Variants in API5 observed in about 807,000 individuals in gnomAD.
The protein encoded by API5 is FIF.
A neutral mutation model predicts 71.9 loss-of-function variants in API5; 6 were observed. The observed-to-expected ratio is 0.08, with a 90% CI of 0.05 to 0.16. API5 has a LOEUF of 0.16. API5 is among the 10% of genes least tolerant of loss of function. The pLI, the probability that API5 is intolerant of heterozygous loss-of-function variation, is 1.00. For synonymous variants in API5, 189 were observed against 221.3 expected (o/e 0.85, Z 1.30); for missense variants, 332 against 612.8 (o/e 0.54, Z 4.84).
intron 2 of API5, 29 bp downstream of exon 2, chr11:43,318,830 A>G (rs377587806): frequency 2.2e-5 from 35 of 1,595,270 alleles, no homozygotes; most frequent in Middle Eastern, 3.4e-4. Context: ...CTTCATAGCA[A>G]TCTTTCAGAT....
At chr11:43,341,691 A>G (rs2134391355) in intron 13 of API5, among the ~76,000 whole-genome samples, 1 of 152,310 alleles carries the variant, frequency 6.6e-6, no homozygotes, top group African/African-American at 2.4e-5. Flanking sequence ...TAGTTAATAT[A>G]TACTTTAAAA....
intron 13 of API5, among the ~76,000 whole-genome samples, chr11:43,341,689 A>G (rs1855621350): frequency 6.6e-6 from 1 of 152,192 alleles, no homozygotes; most frequent in Non-Finnish European, 1.5e-5. Flanking sequence ...TATAGTTAAT[A>G]TATACTTTAA....
intron 13 of API5, among the ~76,000 whole-genome samples, chr11:43,337,840 G>A (rs1328668436): frequency 6.6e-6 from 1 of 152,100 alleles, no homozygotes; most frequent in Non-Finnish European, 1.5e-5. Flanking sequence ...AAGTCAATTT[G>A]ATTTTACATG....
chr11:43,336,987 G>A (rs566152083), intron 13 of API5, among the ~76,000 whole-genome samples: 193 of 127,906 alleles, frequency 1.5e-3, no homozygotes, highest in African/African-American at 5.3e-3. Context: ...CAGCCTAGGC[G>A]ACAGAGCAAG....
intron 2 of API5, chr11:43,319,065 C>T (rs933951647): frequency 5.4e-6 from 2 of 371,608 alleles, no homozygotes; most frequent in African/African-American, 2.1e-5. Flanking sequence ...GGTTGTGGCT[C>T]ACATCTTGTT....
chr11:43,314,587 A>G (rs956964816), intron 1 of API5, among the ~76,000 whole-genome samples: 5 of 152,216 alleles, frequency 3.3e-5, no homozygotes, highest in African/African-American at 1.2e-4. Context: ...CCTACCATGT[A>G]CCACACACCC....
chr11:43,330,374 T>A (rs1001063927), intron 10 of API5, 134 bp from the exon 11 acceptor site: 14 of 753,846 alleles, frequency 1.9e-5, no homozygotes, highest in Admixed American at 5.2e-5. Context: ...ATCTATAGAT[T>A]TAAACCAAGG....
intron 4 of API5, 120 bp downstream of exon 4, chr11:43,321,596 G>A: frequency 3.6e-6 from 3 of 823,644 alleles, no homozygotes; most frequent in Non-Finnish European, 5.5e-6. Flanking sequence ...AAAATTCTAA[G>A]TATTGTGAAA....
intron 1 of API5, among the ~76,000 whole-genome samples, chr11:43,314,122 CTA>C (rs1430519037): frequency 4.0e-5 from 6 of 151,846 alleles, no homozygotes; most frequent in South Asian, 2.1e-4. Flanking sequence ...AAGATACAAA[CTA>C]TGTGTGGTCA....
chr11:43,319,181 C>T (rs1437517053), intron 2 of API5, among the ~76,000 whole-genome samples: 1 of 152,076 alleles, frequency 6.6e-6, no homozygotes, highest in Admixed American at 6.5e-5. Context: ...AATGTAGTTT[C>T]ACTACCCTTA....
intron 1 of API5, among the ~76,000 whole-genome samples, chr11:43,316,910 A>G (rs911471695): frequency 1.3e-5 from 2 of 152,232 alleles, no homozygotes; most frequent in Non-Finnish European, 2.9e-5. Context: ...TCTGCATTTC[A>G]TGAAGAAGTT....
chr11:43,330,431 T>C (rs761504432), intron 10 of API5, 77 bp from the exon 11 acceptor site: 1 of 1,039,954 alleles, frequency 9.6e-7, no homozygotes, highest in Non-Finnish European at 1.5e-6. Context: ...GTGTAATTAC[T>C]CTAGTTCTAT....
intron 11 of API5, among the ~76,000 whole-genome samples, chr11:43,334,238 A>G (rs1054727687): frequency 1.3e-5 from 2 of 152,100 alleles, no homozygotes; most frequent in Non-Finnish European, 2.9e-5. Context: ...AGACTCATCT[A>G]ATTTCACAAC....
chr11:43,320,813 A>G lies in API5; in HGVS notation c.232-8A>G, dbSNP rs1854862324. On this transcript the variant is annotated splice_polypyrimidine_tract_variant and splice_region_variant and intron_variant, in intron 2 of 13. Transcript: ENST00000531273. Reference sequence around the variant, plus strand: ...ATTTGGTTAATTTTTGTTTGAAATCATGCCCAGATTCGACGTCAAGCAATT... The same window carrying G: ...ATTTGGTTAATTTTTGTTTGAAATCGTGCCCAGATTCGACGTCAAGCAATT... The G allele has an allele frequency of 1.2e-6, 2 of 1,609,076 alleles. No homozygotes were observed. The highest frequency in any genetic ancestry group is 1.1e-5 in the South Asian group (1 of 90,518).
intron 2 of API5, 93 bp from the exon 3 acceptor site, chr11:43,320,728 C>CT: frequency 9.0e-7 from 1 of 1,108,420 alleles, no homozygotes; most frequent in Non-Finnish European, 1.3e-6. Context: ...AATACCTTGT[C>CT]TTTAAAAAAA....
intron 6 of API5, 30 bp from the exon 7 acceptor site, chr11:43,326,477 G>T: frequency 1.5e-6 from 2 of 1,361,212 alleles, no homozygotes; most frequent in South Asian, 2.4e-5. Flanking sequence ...TTTGTTTTTC[G>T]ACAATGCATT....
chr11:43,327,401 TCTTA>T (rs1379929449), intron 7 of API5, among the ~76,000 whole-genome samples: 1 of 152,266 alleles, frequency 6.6e-6, no homozygotes, highest in East Asian at 1.9e-4. Context: ...TGTTGAGAGT[TCTTA>T]CTAAGTGTGT....
intron 1 of API5, among the ~76,000 whole-genome samples, chr11:43,315,697 G>A (rs1854645269): frequency 6.6e-6 from 1 of 151,994 alleles, no homozygotes; most frequent in East Asian, 1.9e-4. Context: ...TAACTGCCAT[G>A]TTCTGCCTAT....
chr11:43,320,027 T>G (rs576251309), intron 2 of API5, among the ~76,000 whole-genome samples: 69 of 151,690 alleles, frequency 4.5e-4, no homozygotes, highest in African/African-American at 1.6e-3. Flanking sequence ...AAGATTAAAT[T>G]GGAGCAAATT....
Sources: gnomAD v4.1 joint callset for allele counts (sites outside exome capture counted in the v4.1 genomes callset) on GRCh38, gnomAD v4.1.1 for gene constraint, MANE v1.5 for transcripts, NCBI Gene and HGNC (gene_info 2026-07-23, HGNC 2026-07-21) for gene names.